Variants in SCFD2 observed in about 807,000 individuals in gnomAD.
SCFD2 encodes sec1 family domain-containing protein 2.
In SCFD2, 54 loss-of-function variants were observed where a neutral mutation model predicts 58.9. That is an observed-to-expected ratio of 0.92 (90% CI 0.74 to 1.15). SCFD2 has a LOEUF of 1.15. SCFD2 is among the 50% of genes most tolerant of loss of function. The pLI, the probability that SCFD2 is intolerant of heterozygous loss-of-function variation, is 0.00. For missense variants in SCFD2, 805 were observed against 836.6 expected, an observed-to-expected ratio of 0.96 and a Z score of 0.47; for synonymous variants, 321 against 335.9, an observed-to-expected ratio of 0.96 and a Z score of 0.49.
chr4:53,224,404 A>C (rs10012006), intron 4 of SCFD2, among the ~76,000 whole-genome samples: 74,171 of 146,158 alleles, frequency 0.51, 19,384 homozygotes, highest in Middle Eastern at 0.6. Flanking sequence ...AAAAAAAAAA[A>C]GAGTCTTACA....
chr4:53,149,180 A>T (rs1298121583), intron 4 of SCFD2, among the ~76,000 whole-genome samples: 1 of 152,220 alleles, frequency 6.6e-6, no homozygotes, highest in African/African-American at 2.4e-5. Context: ...GCCAGATCTT[A>T]GTTTCTAATA....
intron 4 of SCFD2, among the ~76,000 whole-genome samples, chr4:53,207,475 A>AACTCAATATTAGAAAATGTTAATTAGT (rs150341843): frequency 1.6e-5 from 1 of 62,192 alleles, no homozygotes; most frequent in African/African-American, 6.3e-5. Context: ...GTAGTTTGAA[A>AACTCAATATTAGAAAATGTTAATTAGT]TATATTATAT....
intron 5 of SCFD2, among the ~76,000 whole-genome samples, chr4:52,932,704 TCCAG>T (rs1360576927): frequency 6.6e-6 from 1 of 152,122 alleles, no homozygotes; most frequent in African/African-American, 2.4e-5. Flanking sequence ...TTATTTTTCT[TCCAG>T]TAGCAGACAG....
At chr4:53,183,160 C>T (rs1433680490) in intron 4 of SCFD2, among the ~76,000 whole-genome samples, 2 of 152,078 alleles carry the variant, frequency 1.3e-5, no homozygotes, top group African/African-American at 2.4e-5. Context: ...GGGTATATAC[C>T]GAAAGGATTA....
intron 6 of SCFD2, 25 bp downstream of exon 6, chr4:52,920,700 G>C (rs747109278): frequency 9.9e-6 from 15 of 1,516,788 alleles, no homozygotes; most frequent in Non-Finnish European, 1.2e-5. Flanking sequence ...AGATTAGAAG[G>C]TTACTTTAAA....
In SCFD2 at chr4:52,901,176, G is replaced by A. The variant is rs545271075; in HGVS notation, c.1842+6281C>T. The stretch of plus-strand genomic sequence containing the variant: ...TGCACCCGCTGTCCGGCATTCCCTC[G>A]TGAGATGAACCCGGTACCTCAGTTG... On this transcript the variant is annotated intron_variant, in intron 7 of 8. Transcript: ENST00000401642. Among the ~76,000 whole-genome samples, 325 of 152,280 alleles carry A rather than the reference G, an allele frequency of 2.1e-3. 17 individuals carry two copies. The South Asian group carries it at 0.064, about 30-fold the overall frequency.
chr4:53,070,331 A>C (rs976957050), intron 5 of SCFD2, among the ~76,000 whole-genome samples: 1 of 152,122 alleles, frequency 6.6e-6, no homozygotes, highest in African/African-American at 2.4e-5. Context: ...GATTGTACAA[A>C]GCAAAAGCAT....
Position 52,921,157 on chromosome 4 carries a change from C to T in SCFD2, c.1562-287G>A, listed in dbSNP as rs1719726052. ...CCATCCCTAGACTGCAGACATTTCA[C>T]AGAAAGCAAGCTCCTAGGGCCCATA... On this transcript the variant is annotated intron_variant, in intron 5 of 8. Transcript: ENST00000401642. 2.0e-5 allele frequency among the ~76,000 whole-genome samples: 3 copies of T among 152,088 alleles called. No homozygotes were observed. In the South Asian group the frequency reaches 6.2e-4, roughly 32 times the overall value.
chr4:52,989,547 G>C (rs1301708243), intron 5 of SCFD2, among the ~76,000 whole-genome samples: 1 of 152,146 alleles, frequency 6.6e-6, no homozygotes, highest in Non-Finnish European at 1.5e-5. Flanking sequence ...AGAAGGAATA[G>C]AATGCCTGTG....
chr4:53,301,075 C>A (rs1447436534), intron 3 of SCFD2, among the ~76,000 whole-genome samples: 4 of 152,072 alleles, frequency 2.6e-5, no homozygotes, highest in African/African-American at 9.7e-5. Context: ...CAAAAGCTAG[C>A]AGAAGGCAAG....
chr4:53,341,082 G>A (rs1178333811), intron 2 of SCFD2, among the ~76,000 whole-genome samples: 17 of 152,148 alleles, frequency 1.1e-4, no homozygotes, highest in African/African-American at 2.7e-4. Context: ...ACAGCTCCTC[G>A]TCAGCAACGG....
intron 4 of SCFD2, among the ~76,000 whole-genome samples, chr4:53,168,695 T>A (rs1281223456): frequency 6.6e-6 from 1 of 152,214 alleles, no homozygotes; most frequent in South Asian, 2.1e-4. Flanking sequence ...GTGAAATTAT[T>A]AAATCAAGTT....
At chr4:53,238,928 G>A (rs1729788533) in intron 4 of SCFD2, among the ~76,000 whole-genome samples, 3 of 152,082 alleles carry the variant, frequency 2.0e-5, no homozygotes, top group Admixed American at 6.5e-5. Flanking sequence ...GGGCGGCCAG[G>A]CAGAGATGCT....
chr4:53,004,961 T>C (rs749433842), intron 5 of SCFD2, among the ~76,000 whole-genome samples: 3 of 152,188 alleles, frequency 2.0e-5, no homozygotes, highest in Admixed American at 6.5e-5. Flanking sequence ...ACCAGTGGCG[T>C]GATCTTGGCT....
At chr4:53,294,224 C>A (rs1352975033) in intron 3 of SCFD2, among the ~76,000 whole-genome samples, 4 of 152,192 alleles carry the variant, frequency 2.6e-5, no homozygotes, top group African/African-American at 4.8e-5. Flanking sequence ...ACCACACTGT[C>A]TTCCACAATG....
chr4:53,336,492 C>T (rs568755667), intron 2 of SCFD2, among the ~76,000 whole-genome samples: 2 of 151,928 alleles, frequency 1.3e-5, no homozygotes, highest in African/African-American at 4.8e-5. Flanking sequence ...TTTCTCATTT[C>T]TTTTTTCCTT....
intron 4 of SCFD2, among the ~76,000 whole-genome samples, chr4:53,238,583 A>T (rs1243630797): frequency 6.7e-6 from 1 of 149,852 alleles, no homozygotes; most frequent in Non-Finnish European, 1.5e-5. Context: ...TGCCGGGCGG[A>T]GGGGCTCCTC....
intron 5 of SCFD2, chr4:52,949,817 A>G (rs1720541076): frequency 6.6e-6 from 1 of 152,212 alleles, no homozygotes. Context: ...CCAGGCCTGT[A>G]ACACCAAATT....
rs1487680187 is a variant in SCFD2, at chr4:53,188,461, GTGTT to G, written c.1312-42883_1312-42880del. ...TGTGTGTGTGTGTGTGTGTGTGTGT[GTGTT>G]TAGTGGCTTTCCAACTTCATAATAA... On this transcript the variant is annotated intron_variant, in intron 4 of 8. Coordinates refer to ENST00000401642, the MANE Select transcript of SCFD2 (RefSeq NM_152540.4). 1.2e-4 allele frequency among the ~76,000 whole-genome samples: 16 copies of G among 133,226 alleles called. No homozygotes were observed. In the East Asian group the frequency reaches 1.3e-3, roughly 11 times the overall value. The allele number at this position is 133,226 out of a possible 152,430, so 87.4% of individuals were successfully genotyped here.
Sources: allele counts gnomAD v4.1 joint callset (sites outside exome capture counted in the v4.1 genomes callset), GRCh38; gene constraint gnomAD v4.1.1; transcripts MANE v1.5; gene names NCBI Gene and HGNC (gene_info 2026-07-23, HGNC 2026-07-21).